The following MDGA1 variants were observed in gnomAD, a reference collection of about 807,000 sequenced individuals.
The protein encoded by MDGA1 is MAM domain-containing glycosylphosphatidylinositol anchor protein 1.
Under a neutral mutation model 101.5 loss-of-function variants are expected in MDGA1, and 54 were observed. The ratio of observed to expected loss-of-function variants is 0.53; its 90% confidence interval spans 0.43 to 0.67. The LOEUF is 0.67. MDGA1 is among the 30% of genes least tolerant of loss of function. The pLI is 0.00. For missense variants in MDGA1, 1,083 were observed against 1,323.8 expected, an observed-to-expected ratio of 0.82 and a Z score of 2.82; for synonymous variants, 533 against 558.3, an observed-to-expected ratio of 0.95 and a Z score of 0.64.
In MDGA1 at chr6:37,644,661, G is replaced by T. The variant is rs763430964; in HGVS notation, c.2249-12C>A. ...GTGGCAGGTGTTGTCTGCATTTTAT[G>T]GGGCGAATGAGACAAAGAGTCAGCC... On this transcript the variant is annotated splice_polypyrimidine_tract_variant and intron_variant, in intron 12 of 16. Coordinates refer to ENST00000434837, the MANE Select transcript of MDGA1 (RefSeq NM_153487.4). 3 of 1,554,868 alleles carry T rather than the reference G, an allele frequency of 1.9e-6. No homozygotes were observed. In the Admixed American group the frequency reaches 5.6e-5, roughly 29 times the overall value.
At chr6:37,678,815 C>G (rs572567670) in intron 1 of MDGA1, among the ~76,000 whole-genome samples, 1 of 151,736 alleles carries the variant, frequency 6.6e-6, no homozygotes, top group African/African-American at 2.4e-5. Flanking sequence ...ACCTCCATCA[C>G]GCTCAATCCC....
chr6:37,661,082 G>A (rs1011575395), intron 2 of MDGA1, among the ~76,000 whole-genome samples: 8 of 152,272 alleles, frequency 5.3e-5, no homozygotes, highest in African/African-American at 1.9e-4. Context: ...CAGTGAGTCT[G>A]GGCTGTGGGA....
rs1328555161 is a variant in MDGA1 at position 37,649,138 on chromosome 6, G to A, written c.1738C>T (p.Gln580Ter). The stretch of plus-strand genomic sequence containing the variant: ...ACAACAGGCGGCGGCGGCAGCAGCT[G>A]CCCTTTGAAACGCCACACAGCCGAG... ...IASAVWRFKG[Q>*]LLPPPPVVPA... is the part of the protein sequence containing the mutation. Residue 580 changes from glutamine (Q) to a stop codon, truncating the protein, a stop_gained, in exon 9 of 17, where the codon CAG becomes TAG. Transcript: ENST00000434837. LOFTEE classifies it high-confidence loss of function. The A allele has an allele frequency of 6.6e-7, 1 of 1,512,402 alleles. No individual in the cohort carries two copies. The highest frequency in any genetic ancestry group is 8.8e-7 in the Non-Finnish European group (1 of 1,135,190). 93.7% of individuals were successfully genotyped at this position (1,512,402 alleles called of 1,614,324 possible). A position where few individuals can be genotyped will look rare whatever the true frequency, so the allele number is the denominator to read the frequency against.
chr6:37,637,238 A>G lies in MDGA1; in HGVS notation c.*130T>C. 1.5e-6 allele frequency: 1 copy of G among 673,320 alleles called. No individual in the cohort carries two copies. The highest frequency in any genetic ancestry group is 2.6e-6 in the Non-Finnish European group (1 of 382,534). 41.7% of individuals were successfully genotyped at this position (673,320 alleles called of 1,614,324 possible). On this transcript the variant is annotated 3_prime_UTR_variant, in exon 17 of 17. Transcript: ENST00000434837. ...TGTTCTCTGCTCATCCTTGCAGCCA[A>G]TGCAGGCCCCCTCCCTGGCGGGCCG...
chr6:37,649,346 C>A, intron 8 of MDGA1, 80 bp from the exon 9 acceptor site: 1 of 1,404,782 alleles, frequency 7.1e-7, no homozygotes, highest in Non-Finnish European at 9.2e-7. Context: ...AGGCAACGCG[C>A]TCGCCTCTAA....
In MDGA1 at chr6:37,632,363, A is replaced by AG. The variant is rs1483962426; in HGVS notation, c.*5004dup. On this transcript the variant is annotated 3_prime_UTR_variant, in exon 17 of 17. Coordinates refer to ENST00000434837, the MANE Select transcript of MDGA1 (RefSeq NM_153487.4). ...GTTCACTGGGAGCAGACCAGGATGC[A>AG]GGTCCTCACTGTCCAGGCCACAGAG... 6.6e-6 allele frequency: 1 copy of AG among 152,336 alleles called. No individual in the cohort carries two copies. The highest frequency in any genetic ancestry group is 6.5e-5 in the Admixed American group (1 of 15,276). The allele number at this position is 152,336 out of a possible 1,614,324, so 9.4% of individuals were successfully genotyped here. A position where few individuals can be genotyped will look rare whatever the true frequency, so the allele number is the denominator to read the frequency against.
At position 37,638,545 on chromosome 6, in the gene MDGA1, G is replaced by A; in HGVS notation, c.2659C>T (p.Pro887Ser). 1 of 1,613,928 alleles carries A rather than the reference G, an allele frequency of 6.2e-7. No individual in the cohort carries two copies. Among genetic ancestry groups the A allele is most frequent in the Non-Finnish European group, 8.5e-7 (1 of 1,179,876 alleles). ...QAHVPISPSGPFQIIFEGVRG... is the reference protein window; with the variant it reads ...QAHVPISPSGSFQIIFEGVRG... The stretch of plus-strand genomic sequence containing the variant: ...GGGCCCTACGGACTCACCTGGAAGG[G>A]CCCACTGGGGCTGATGGGCACATGG... The change falls in exon 15 of 17, where the codon CCC (proline) becomes TCC (serine). Residue 887 changes from proline (P) to serine (S), a missense_variant. Coordinates refer to ENST00000434837, the MANE Select transcript of MDGA1 (RefSeq NM_153487.4). The surrounding 1 kb of genome is among the most constrained non-coding windows in gnomAD (Gnocchi z 4.8).
chr6:37,631,271 C>T lies in MDGA1; in HGVS notation c.*6097G>A, dbSNP rs1377080140. The T allele has an allele frequency of 6.6e-6, 1 of 152,170 alleles. No individual in the cohort carries two copies. Among genetic ancestry groups the T allele is most frequent in the African/African-American group, 2.4e-5 (1 of 41,416 alleles). 9.4% of individuals were successfully genotyped at this position (152,170 alleles called of 1,614,324 possible). On this transcript the variant is annotated 3_prime_UTR_variant, in exon 17 of 17. Coordinates refer to ENST00000434837, the MANE Select transcript of MDGA1 (RefSeq NM_153487.4). ...GCCCATCCCCCTCACTGTGTTTGTC[C>T]TCACAATAATGCACCTGTACTTGAG...
Position 37,649,020 on chromosome 6 carries a change from T to C in MDGA1, c.1856A>G (p.Asn619Ser). 3 of 1,551,322 alleles carry C rather than the reference T, an allele frequency of 1.9e-6. No individual in the cohort carries two copies. The highest frequency in any genetic ancestry group is 2.5e-5 in the East Asian group (1 of 40,516). The stretch of plus-strand genomic sequence containing the variant: ...GAGGCAGGCAGCCGAGCCCACATCG[T>C]TGGAGACGCTGCACTCGTAGCTGCC... ...SSGSYECSVSNDVGSAACLFQ... is the reference protein window; with the variant it reads ...SSGSYECSVSSDVGSAACLFQ... The change falls in exon 9 of 17, where the codon AAC (asparagine) becomes AGC (serine). Residue 619 changes from asparagine (N) to serine (S), a missense_variant. Asn to Ser is a conservative substitution (Grantham distance 46, BLOSUM62 1). Around this residue, in one of 3 missense-constraint regions of MDGA1, gnomAD observed 657 missense variants for 771.4 expected, o/e 0.85. Coordinates refer to ENST00000434837, the MANE Select transcript of MDGA1 (RefSeq NM_153487.4).
rs1035729009 is a variant in MDGA1, at chr6:37,655,077, C to T, written c.580-145G>A. ...CCCAACCCCACCCTCACCATTTAGC[C>T]CCAGGGGTCCTGAGCCTGGGGTGGA... On this transcript the variant is annotated intron_variant, in intron 4 of 16. Transcript: ENST00000434837. The surrounding 1 kb of genome is among the most constrained non-coding windows in gnomAD (Gnocchi z 5.1). 9.9e-7 allele frequency: 1 copy of T among 1,014,836 alleles called. No homozygotes were observed. Among genetic ancestry groups the T allele is most frequent in the Non-Finnish European group, 1.4e-6 (1 of 706,566 alleles). The allele number at this position is 1,014,836 out of a possible 1,614,324, so 62.9% of individuals were successfully genotyped here.
rs1224450616 is a variant in MDGA1 at position 37,649,223 on chromosome 6, C to G, written c.1653G>C (p.Ala551=). The G allele has an allele frequency of 6.6e-7, 1 of 1,508,942 alleles. No individual in the cohort carries two copies. Among genetic ancestry groups the G allele is most frequent in the Admixed American group, 2.1e-5 (1 of 47,634 alleles). The allele number at this position is 1,508,942 out of a possible 1,614,324, so 93.5% of individuals were successfully genotyped here. Residue 551 remains alanine, a synonymous_variant, in exon 9 of 17, where the codon GCG becomes GCC. Transcript: ENST00000434837. ...VEPSSQDVRQ[A]LGRPVLLRCS... ...AGCGCAGGAGCACGGGCCGGCCCAG[C>G]GCCTGGCGCACGTCCTGGGAACTGG...
chr6:37,646,146 T>C, intron 11 of MDGA1, 52 bp downstream of exon 11: 1 of 1,551,354 alleles, frequency 6.4e-7, no homozygotes, highest in Non-Finnish European at 8.7e-7. Flanking sequence ...GTGAAAGGGG[T>C]CCCTGGCCAT....
At chr6:37,661,289 C>T (rs1761619420) in intron 2 of MDGA1, among the ~76,000 whole-genome samples, 1 of 152,232 alleles carries the variant, frequency 6.6e-6, no homozygotes, top group African/African-American at 2.4e-5. Context: ...TCAACTTCTG[C>T]TACCTGCCAT....
chr6:37,645,711 C>T (rs1464324355), intron 12 of MDGA1, among the ~76,000 whole-genome samples: 1 of 152,072 alleles, frequency 6.6e-6, no homozygotes, highest in African/African-American at 2.4e-5. Flanking sequence ...TAAGCCTCTC[C>T]CCACCTACCT....
At chr6:37,640,638 T>C (rs891080916) in intron 14 of MDGA1, among the ~76,000 whole-genome samples, 1 of 152,034 alleles carries the variant, frequency 6.6e-6, no homozygotes. Flanking sequence ...AAAAGGAAGG[T>C]TGGGGGTCCT....
At position 37,696,722 on chromosome 6, in the gene MDGA1, T is replaced by C. The variant is rs1561868923; in HGVS notation, c.67+23A>G. ...GTTTCCGCGCGAGGTTAAGCCAAGG[T>C]GGAGCGGGACGCGGGCTCTTACCGT... On this transcript the variant is annotated intron_variant, in intron 1 of 16. Transcript: ENST00000434837. The surrounding 1 kb of genome is among the most constrained non-coding windows in gnomAD (Gnocchi z 5.6). 6 of 1,565,052 alleles carry C rather than the reference T, an allele frequency of 3.8e-6. No individual in the cohort carries two copies. The highest frequency in any genetic ancestry group is 5.2e-6 in the Non-Finnish European group (6 of 1,153,672).
At position 37,649,102 on chromosome 6, in the gene MDGA1, C is replaced by T; in HGVS notation, c.1774G>A (p.Ala592Thr). Residue 592 changes from alanine to threonine, a missense_variant, in exon 9 of 17, where the codon GCC (alanine) becomes ACC (threonine). Transcript: ENST00000434837. ...AGCTCCGCGTGATCCGGCGCCTCGG[C>T]GGCGGCGGGAACAACAGGCGGCGGC... ...LPPPPVVPAA[A>T]EAPDHAELRL... is the part of the protein sequence containing the mutation. The T allele has an allele frequency of 2.0e-6, 3 of 1,521,478 alleles. No individual in the cohort carries two copies. Among genetic ancestry groups the T allele is most frequent in the Admixed American group, 2.1e-5 (1 of 47,454 alleles). 94.2% of individuals were successfully genotyped at this position (1,521,478 alleles called of 1,614,324 possible). A position where few individuals can be genotyped will look rare whatever the true frequency, so the allele number is the denominator to read the frequency against.
At position 37,655,558 on chromosome 6, in the gene MDGA1, T is replaced by G; in HGVS notation, c.579+142A>C. 1.5e-6 allele frequency: 1 copy of G among 683,932 alleles called. No individual in the cohort carries two copies. Among genetic ancestry groups the G allele is most frequent in the Non-Finnish European group, 2.5e-6 (1 of 406,396 alleles). 42.4% of individuals were successfully genotyped at this position (683,932 alleles called of 1,614,324 possible). A position where few individuals can be genotyped will look rare whatever the true frequency, so the allele number is the denominator to read the frequency against. On this transcript the variant is annotated intron_variant, in intron 4 of 16. Coordinates refer to ENST00000434837, the MANE Select transcript of MDGA1 (RefSeq NM_153487.4). The surrounding 1 kb of genome is among the most constrained non-coding windows in gnomAD (Gnocchi z 5.1). Reference sequence around the variant, plus strand: ...TCTGATTTTTCTGCCCCAGGCTGTCTGAACTCCAATCAGAATGTGTGTTTC... The same window carrying G: ...TCTGATTTTTCTGCCCCAGGCTGTCGGAACTCCAATCAGAATGTGTGTTTC...
chr6:37,647,392 G>T (rs989132900), intron 9 of MDGA1, 68 bp from the exon 10 acceptor site: 2 of 978,280 alleles, frequency 2.0e-6, no homozygotes, highest in Non-Finnish European at 3.0e-6. Flanking sequence ...GAGGAGGTGT[G>T]GGAAAGGGAA....
Sources: allele counts gnomAD v4.1 joint callset (sites outside exome capture counted in the v4.1 genomes callset), GRCh38; gene constraint gnomAD v4.1.1; regional missense constraint gnomAD v4.1.1; non-coding constraint Gnocchi (gnomAD v3.1); transcripts MANE v1.5; gene names NCBI Gene and HGNC (gene_info 2026-07-23, HGNC 2026-07-21).